CNTN5: variants seen among roughly 807,000 people sequenced by gnomAD.
CNTN5 encodes the protein contactin 5, also known as contactin-5.
A neutral mutation model predicts 129.1 loss-of-function variants in CNTN5; 77 were observed. The observed-to-expected ratio is 0.60, with a 90% CI of 0.50 to 0.72. CNTN5 has a LOEUF of 0.72. Among genes scored for constraint, CNTN5 ranks in the 30% least tolerant of loss-of-function variants. The pLI, the probability that CNTN5 is intolerant of heterozygous loss-of-function variation, is 0.00. For missense variants in CNTN5, 1,478 were observed against 1,328.8 expected (o/e 1.11, Z -1.75); for synonymous variants, 509 against 465.6 (o/e 1.09, Z -1.20).
chr11:100,050,760 A>G (rs573601771), intron 9 of CNTN5, among the ~76,000 whole-genome samples: 16 of 152,260 alleles, frequency 1.1e-4, no homozygotes, highest in African/African-American at 3.8e-4. Context: ...AACGTGTACC[A>G]TGCAAATACT....
At chr11:99,781,776 AC>A (rs1251659006) in intron 3 of CNTN5, among the ~76,000 whole-genome samples, 5 of 151,978 alleles carry the variant, frequency 3.3e-5, no homozygotes, top group South Asian at 2.1e-4. Flanking sequence ...AAATTCAACA[AC>A]CCTTCATGCT....
intron 3 of CNTN5, among the ~76,000 whole-genome samples, chr11:99,655,788 A>G (rs1380791541): frequency 6.6e-6 from 1 of 152,058 alleles, no homozygotes; most frequent in Non-Finnish European, 1.5e-5. Context: ...ATACACACAT[A>G]GGTAATGAGG....
At chr11:100,046,626 G>A (rs146406834) in intron 9 of CNTN5, among the ~76,000 whole-genome samples, 7 of 152,018 alleles carry the variant, frequency 4.6e-5, no homozygotes, top group Admixed American at 3.9e-4. Context: ...ATCATCTAAT[G>A]TGTATACATA....
At chr11:99,806,123 C>T (rs1565552815) in intron 3 of CNTN5, among the ~76,000 whole-genome samples, 2 of 152,140 alleles carry the variant, frequency 1.3e-5, no homozygotes, top group Non-Finnish European at 2.9e-5. Flanking sequence ...TCTTTGCCTG[C>T]AGATTTGACT....
intron 6 of CNTN5, among the ~76,000 whole-genome samples, chr11:99,875,452 A>G (rs1019798371): frequency 5.3e-5 from 8 of 152,112 alleles, no homozygotes; most frequent in Non-Finnish European, 1.0e-4. Flanking sequence ...TTTTTTCTAT[A>G]TGCTCCTGTT....
intron 1 of CNTN5, among the ~76,000 whole-genome samples, chr11:99,178,870 A>G (rs1312260612): frequency 3.9e-5 from 6 of 152,132 alleles, no homozygotes; most frequent in Non-Finnish European, 8.8e-5. Context: ...TAATCCATTA[A>G]TATGCATTTA....
intron 17 of CNTN5, among the ~76,000 whole-genome samples, chr11:100,269,102 G>A (rs899938157): frequency 3.3e-5 from 5 of 152,194 alleles, no homozygotes; most frequent in African/African-American, 7.2e-5. Flanking sequence ...CAGCAATGGA[G>A]ACTGATAAGG....
At chr11:99,528,597 A>G (rs1371911315) in intron 2 of CNTN5, among the ~76,000 whole-genome samples, 1 of 152,212 alleles carries the variant, frequency 6.6e-6, no homozygotes, top group Non-Finnish European at 1.5e-5. Context: ...ACACGTACAA[A>G]TGGGACATTT....
intron 3 of CNTN5, among the ~76,000 whole-genome samples, chr11:99,745,144 G>A (rs752770629): frequency 2.0e-4 from 30 of 152,118 alleles, no homozygotes; most frequent in Non-Finnish European, 7.3e-5. Context: ...GTTTGGAAAC[G>A]ATTCCCTGAT....
At chr11:99,573,426 C>T (rs1212510735) in intron 3 of CNTN5, among the ~76,000 whole-genome samples, 1 of 151,526 alleles carries the variant, frequency 6.6e-6, no homozygotes, top group Non-Finnish European at 1.5e-5. Flanking sequence ...AAAAATTAGC[C>T]GGGCGTGGTG....
At chr11:99,673,252 T>C (rs728466) in intron 3 of CNTN5, among the ~76,000 whole-genome samples, 35,088 of 152,022 alleles carry the variant, frequency 0.23, 4,129 homozygotes, top group South Asian at 0.3. Context: ...TTGAAAAACA[T>C]TAAAGTCTAA....
intron 13 of CNTN5, among the ~76,000 whole-genome samples, chr11:100,136,029 A>T (rs1456798145): frequency 6.6e-6 from 1 of 152,146 alleles, no homozygotes; most frequent in African/African-American, 2.4e-5. Flanking sequence ...AGGGGCATAT[A>T]AAAATGATAC....
intron 18 of CNTN5, among the ~76,000 whole-genome samples, chr11:100,293,083 G>A (rs1224264442): frequency 6.6e-6 from 1 of 151,814 alleles, no homozygotes; most frequent in African/African-American, 2.4e-5. Context: ...TATGTGAATA[G>A]GCTTTGTATA....
At chr11:99,359,064 AC>A (rs1938917921) in intron 2 of CNTN5, among the ~76,000 whole-genome samples, 1 of 152,180 alleles carries the variant, frequency 6.6e-6, no homozygotes, top group South Asian at 2.1e-4. Flanking sequence ...TTCTTCAATT[AC>A]CCCTAAAATG....
At chr11:99,470,771 T>G (rs1945139822) in intron 2 of CNTN5, among the ~76,000 whole-genome samples, 1 of 151,410 alleles carries the variant, frequency 6.6e-6, no homozygotes, top group Non-Finnish European at 1.5e-5. Context: ...TGTGCCTAAA[T>G]TTTTAATTTA....
At chr11:100,289,770 C>A (rs1950910276) in intron 18 of CNTN5, among the ~76,000 whole-genome samples, 1 of 150,160 alleles carries the variant, frequency 6.7e-6, no homozygotes, top group Non-Finnish European at 1.5e-5. Flanking sequence ...GGCAATCAGG[C>A]AGGAGAAGGA....
intron 1 of CNTN5, among the ~76,000 whole-genome samples, chr11:99,233,687 C>G (rs940045087): frequency 6.6e-6 from 1 of 152,126 alleles, no homozygotes; most frequent in Non-Finnish European, 1.5e-5. Flanking sequence ...GTGGCTCACG[C>G]CTGTAATCCC....
At chr11:99,556,592 T>TATATA (rs1179424515) in intron 3 of CNTN5, among the ~76,000 whole-genome samples, 1 of 138,678 alleles carries the variant, frequency 7.2e-6, no homozygotes, top group Non-Finnish European at 1.5e-5. Context: ...TATATATATA[T>TATATA]ATCTCCCACA....
intron 3 of CNTN5, among the ~76,000 whole-genome samples, chr11:99,772,047 C>T (rs552926834): frequency 1.9e-4 from 27 of 143,338 alleles, no homozygotes; most frequent in African/African-American, 6.8e-4. Flanking sequence ...TTTGTGACAA[C>T]TGAACCTTAG....
Sources: gnomAD v4.1 joint callset for allele counts (sites outside exome capture counted in the v4.1 genomes callset) on GRCh38, gnomAD v4.1.1 for gene constraint, MANE v1.5 for transcripts, NCBI Gene and HGNC (gene_info 2026-07-23, HGNC 2026-07-21) for gene names.